Variants in TLN2 observed in about 807,000 individuals in gnomAD.
TLN2 encodes talin 2.
A neutral mutation model predicts 294.7 loss-of-function variants in TLN2; 118 were observed. The ratio of observed to expected loss-of-function variants is 0.40; its 90% confidence interval spans 0.34 to 0.47. TLN2 has a LOEUF of 0.47. Ranked by LOEUF, TLN2 falls within the 20% of genes least tolerant of loss-of-function variation. The pLI, the probability that TLN2 is intolerant of heterozygous loss-of-function variation, is 0.84. For synonymous variants in TLN2, 1,431 were observed against 1,304.5 expected (o/e 1.10, Z -2.09); for missense variants, 3,083 against 3,282.2 (o/e 0.94, Z 1.48).
chr15:62,472,184 C>T (rs2037517594), intron 1 of TLN2, among the ~76,000 whole-genome samples: 1 of 152,126 alleles, frequency 6.6e-6, no homozygotes, highest in South Asian at 2.1e-4. Context: ...TTGTATTCAC[C>T]CACTTTGGGG....
chr15:62,750,574 G>T, intron 34 of TLN2, 83 bp downstream of exon 34: 1 of 1,203,338 alleles, frequency 8.3e-7, no homozygotes, highest in Non-Finnish European at 1.2e-6. Context: ...CTGTGCATCT[G>T]CCTGTGGCTG....
At chr15:62,830,759 G>A (rs1460196313) in intron 54 of TLN2, 1 of 152,190 alleles carries the variant, frequency 6.6e-6, no homozygotes, top group Non-Finnish European at 1.5e-5. Context: ...CAGAAGGCAG[G>A]TTTCATCAGG....
intron 27 of TLN2, among the ~76,000 whole-genome samples, chr15:62,725,778 G>T (rs556845044): frequency 5.1e-4 from 77 of 152,312 alleles, no homozygotes; most frequent in Non-Finnish European, 9.6e-4. Flanking sequence ...TCACCGTTCT[G>T]TCCAATGTTA....
intron 54 of TLN2, among the ~76,000 whole-genome samples, chr15:62,821,128 T>C (rs2067530062): frequency 6.6e-6 from 1 of 152,228 alleles, no homozygotes. Flanking sequence ...AACTTAAGAT[T>C]ATAGGTATAT....
chr15:62,673,092 G>GTGTGTGTGTGTGTC (rs1462698070), intron 9 of TLN2, among the ~76,000 whole-genome samples: 1 of 150,558 alleles, frequency 6.6e-6, no homozygotes, highest in Non-Finnish European at 1.5e-5. Flanking sequence ...GTGTGTGTGT[G>GTGTGTGTGTGTGTC]TGTGTGTCTG....
chr15:62,537,485 G>C (rs922703547), intron 1 of TLN2, among the ~76,000 whole-genome samples: 19 of 152,166 alleles, frequency 1.2e-4, no homozygotes, highest in Non-Finnish European at 2.6e-4. Flanking sequence ...CTAGAAAGTG[G>C]AGTAATGCCA....
At chr15:62,661,101 T>C (rs928415605) in intron 9 of TLN2, among the ~76,000 whole-genome samples, 2 of 152,194 alleles carry the variant, frequency 1.3e-5, no homozygotes, top group African/African-American at 2.4e-5. Flanking sequence ...AACATAATAA[T>C]GACTAATTTC....
At chr15:62,627,070 G>T (rs2049349524) in intron 3 of TLN2, among the ~76,000 whole-genome samples, 1 of 152,188 alleles carries the variant, frequency 6.6e-6, no homozygotes, top group Admixed American at 6.5e-5. Context: ...CATGATAAAA[G>T]AATCAAGGAA....
intron 1 of TLN2, among the ~76,000 whole-genome samples, chr15:62,404,814 T>C (rs901015562): frequency 7.2e-5 from 11 of 152,120 alleles, no homozygotes; most frequent in African/African-American, 2.7e-4. Context: ...CTGTCACTCC[T>C]AGGCTCTCCC....
intron 25 of TLN2, 94 bp downstream of exon 25, chr15:62,719,974 C>T (rs1424703479): frequency 2.1e-6 from 2 of 940,486 alleles, no homozygotes; most frequent in East Asian, 2.9e-5. Flanking sequence ...TCCACAGCCT[C>T]AGCTAAGTCT....
At chr15:62,545,901 G>T (rs994831973) in intron 1 of TLN2, among the ~76,000 whole-genome samples, 2 of 152,198 alleles carry the variant, frequency 1.3e-5, no homozygotes, top group Non-Finnish European at 2.9e-5. Context: ...CCATGCTTGG[G>T]AGAGAGTGCC....
Position 62,574,579 on chromosome 15 carries a change from C to CAAAAA in TLN2, c.-237-15072_-237-15068dup, listed in dbSNP as rs56279063. Among the ~76,000 whole-genome samples, 436 of 46,450 alleles carry CAAAAA rather than the reference C, an allele frequency of 9.4e-3. 66 individuals carry two copies. Among genetic ancestry groups the CAAAAA allele is most frequent in the Non-Finnish European group, 0.013 (329 of 26,316 alleles). 30.5% of individuals were successfully genotyped at this position (46,450 alleles called of 152,430 possible). The stretch of plus-strand genomic sequence containing the variant: ...TGGGCAACAGGATGAGACCCTGTCT[C>CAAAAA]AAAAAAAAAAAAAAAAAAAAAAAAA... On this transcript the variant is annotated intron_variant, in intron 1 of 58. Coordinates refer to ENST00000636159, the MANE Select transcript of TLN2 (RefSeq NM_015059.3).
chr15:62,661,533 C>T (rs904844051), intron 9 of TLN2, among the ~76,000 whole-genome samples: 1 of 151,896 alleles, frequency 6.6e-6, no homozygotes, highest in African/African-American at 2.4e-5. Context: ...AAGTGCAGGG[C>T]GGCTTATGGA....
At chr15:62,442,084 G>GTA (rs764808645) in intron 1 of TLN2, among the ~76,000 whole-genome samples, 3 of 152,180 alleles carry the variant, frequency 2.0e-5, no homozygotes, top group South Asian at 2.1e-4. Context: ...GAACCCTGAT[G>GTA]TATAGCCTGT....
intron 54 of TLN2, chr15:62,828,080 G>C (rs2141233077): frequency 6.6e-6 from 1 of 152,410 alleles, no homozygotes; most frequent in South Asian, 2.1e-4. Flanking sequence ...ACATAAAGGG[G>C]TCCCAAATAC....
chr15:62,631,518 C>CCTTTCCT (rs1555451272), intron 3 of TLN2, among the ~76,000 whole-genome samples: 37 of 89,678 alleles, frequency 4.1e-4, no homozygotes, highest in East Asian at 3.1e-3. Context: ...TTCTTTCTTT[C>CCTTTCCT]TTCCTTTCCT....
chr15:62,725,194 G>A lies in TLN2; in HGVS notation c.3255+90G>A, dbSNP rs562615967. On this transcript the variant is annotated intron_variant, in intron 27 of 58. Coordinates refer to ENST00000636159, the MANE Select transcript of TLN2 (RefSeq NM_015059.3). ...TTGTTAGGGTGTTTGCTAAAGTTGC[G>A]GCATGTTGAGAAGCTTCTAATCCTG... 321 of 1,490,212 alleles carry A rather than the reference G, an allele frequency of 2.2e-4. 4 individuals are homozygous for A. The South Asian group carries it at 3.6e-3, about 17-fold the overall frequency. The allele number at this position is 1,490,212 out of a possible 1,614,324, so 92.3% of individuals were successfully genotyped here.
intron 1 of TLN2, among the ~76,000 whole-genome samples, chr15:62,525,840 G>A (rs1163624969): frequency 6.6e-6 from 1 of 152,154 alleles, no homozygotes; most frequent in African/African-American, 2.4e-5. Flanking sequence ...TCCTTAGTCA[G>A]TGTGCCCCTC....
In TLN2 at chr15:62,820,471, T is replaced by G; in HGVS notation, c.6878-15T>G. 1 of 1,613,192 alleles carries G rather than the reference T, an allele frequency of 6.2e-7. No individual in the cohort carries two copies. The highest frequency in any genetic ancestry group is 8.5e-7 in the Non-Finnish European group (1 of 1,179,532). On this transcript the variant is annotated splice_polypyrimidine_tract_variant and intron_variant, in intron 53 of 58. Transcript: ENST00000636159. The stretch of plus-strand genomic sequence containing the variant: ...TGCAGCTATGAAGAATCACCTTCTT[T>G]TGGACTGATTCTAGGAACAGAGTGG...
Sources: gnomAD v4.1 joint callset for allele counts (sites outside exome capture counted in the v4.1 genomes callset) on GRCh38, gnomAD v4.1.1 for gene constraint, MANE v1.5 for transcripts, NCBI Gene and HGNC (gene_info 2026-07-23, HGNC 2026-07-21) for gene names.